Variants in DPYSL3 observed in about 807,000 individuals in gnomAD.
DPYSL3 encodes dihydropyrimidinase like 3, also known as dihydropyrimidinase-related protein 3.
A neutral mutation model predicts 66.1 loss-of-function variants in DPYSL3; 16 were observed. The ratio of observed to expected loss-of-function variants is 0.24; its 90% CI spans 0.16 to 0.37. DPYSL3 has a LOEUF of 0.37. Among genes scored for constraint, DPYSL3 ranks in the 10% least tolerant of loss-of-function variants. The probability of loss-of-function intolerance (pLI) is 1.00; values close to 1 mark genes in which losing one functional copy is unlikely to be tolerated. For synonymous variants in DPYSL3, 338 were observed against 345.1 expected (o/e 0.98, Z 0.23); for missense variants, 738 against 916.2 (o/e 0.81, Z 2.51).
chr5:147,433,902 T>C (rs1017357748), intron 1 of DPYSL3, among the ~76,000 whole-genome samples: 1 of 151,786 alleles, frequency 6.6e-6, no homozygotes, highest in Non-Finnish European at 1.5e-5. Flanking sequence ...CGTGGTGGCA[T>C]CCCTGTAATC....
At chr5:147,430,504 G>A (rs1340016314) in intron 1 of DPYSL3, among the ~76,000 whole-genome samples, 10 of 137,120 alleles carry the variant, frequency 7.3e-5, no homozygotes, top group Non-Finnish European at 1.2e-4. Context: ...AGTGAGACTC[G>A]GTCTCAAAAA....
chr5:147,396,986 G>A (rs1757998325), intron 12 of DPYSL3, among the ~76,000 whole-genome samples: 1 of 144,924 alleles, frequency 6.9e-6, no homozygotes. Flanking sequence ...TTATTGTATT[G>A]TTATAATACA....
chr5:147,418,967 T>G (rs1169403807), intron 2 of DPYSL3, among the ~76,000 whole-genome samples: 2 of 152,202 alleles, frequency 1.3e-5, no homozygotes, highest in Non-Finnish European at 2.9e-5. Flanking sequence ...CATTTTGTTC[T>G]TTAAGTTAAG....
At chr5:147,431,107 T>G (rs1335643568) in intron 1 of DPYSL3, among the ~76,000 whole-genome samples, 1 of 152,224 alleles carries the variant, frequency 6.6e-6, no homozygotes, top group Non-Finnish European at 1.5e-5. Flanking sequence ...TTTGATTTCC[T>G]AAAACACTTT....
rs1757795793 is a variant in DPYSL3, at chr5:147,391,427, G to A, written c.*2608C>T. 6.6e-6 allele frequency: 1 copy of A among 152,584 alleles called. No homozygotes were observed. The highest frequency in any genetic ancestry group is 1.5e-5 in the Non-Finnish European group (1 of 68,060). The allele number at this position is 152,584 out of a possible 1,614,324, so 9.5% of individuals were successfully genotyped here. A position where few individuals can be genotyped will look rare whatever the true frequency, so the allele number is the denominator to read the frequency against. On this transcript the variant is annotated 3_prime_UTR_variant, in exon 14 of 14. Transcript: ENST00000343218. ...GTGGCCCTCAGAGAGAACCGGGATGGATTGCCATCTGGGTTCAGAGGCAAT... is the reference window on the plus strand; with the variant it reads ...GTGGCCCTCAGAGAGAACCGGGATGAATTGCCATCTGGGTTCAGAGGCAAT...
intron 13 of DPYSL3, 39 bp from the exon 14 acceptor site, chr5:147,394,162 C>CA (rs1279855980): frequency 5.7e-6 from 9 of 1,572,060 alleles, no homozygotes; most frequent in Middle Eastern, 3.4e-4. Flanking sequence ...AAAAAAAAAA[C>CA]AGAGTGGCGG....
chr5:147,404,619 C>A (rs1332081081), intron 8 of DPYSL3, among the ~76,000 whole-genome samples: 1 of 152,196 alleles, frequency 6.6e-6, no homozygotes, highest in East Asian at 1.9e-4. Context: ...GTCCCTTACC[C>A]AGCCTCACAA....
At chr5:147,407,615 G>A (rs573828603) in intron 7 of DPYSL3, among the ~76,000 whole-genome samples, 13 of 152,168 alleles carry the variant, frequency 8.5e-5, no homozygotes, top group Admixed American at 2.0e-4. Context: ...CTTTACCTGC[G>A]CAACAATGCC....
chr5:147,465,647 C>A (rs376387622), intron 1 of DPYSL3, among the ~76,000 whole-genome samples: 41 of 152,118 alleles, frequency 2.7e-4, no homozygotes, highest in African/African-American at 9.9e-4. Flanking sequence ...TGCTCTCAAC[C>A]CTTTTCTGAA....
intron 1 of DPYSL3, among the ~76,000 whole-genome samples, chr5:147,459,342 AATGTATATACTAGGCCTATGTGAAAT>A (rs2126407961): frequency 6.6e-6 from 1 of 152,322 alleles, no homozygotes; most frequent in South Asian, 2.1e-4. Context: ...TGAAGGGGAA[AATGTATATACTAGGCCTATGTGAAAT>A]ATATAGGCTG....
chr5:147,425,037 CA>C, intron 1 of DPYSL3, 74 bp from the exon 2 acceptor site: 1 of 1,187,914 alleles, frequency 8.4e-7, no homozygotes, highest in Non-Finnish European at 1.2e-6. Context: ...AAGGTTTTCC[CA>C]ATTCATTGTT....
At chr5:147,449,737 A>G (rs1292871162) in intron 1 of DPYSL3, among the ~76,000 whole-genome samples, 1 of 152,220 alleles carries the variant, frequency 6.6e-6, no homozygotes, top group East Asian at 1.9e-4. Flanking sequence ...GGAGGTTCTA[A>G]TATGAAAATA....
chr5:147,432,274 G>A (rs911917495), intron 1 of DPYSL3, among the ~76,000 whole-genome samples: 9 of 152,128 alleles, frequency 5.9e-5, no homozygotes, highest in African/African-American at 1.2e-4. Context: ...AGCCCTAGAC[G>A]GACAGACACA....
chr5:147,440,246 T>C (rs956605527), intron 1 of DPYSL3, among the ~76,000 whole-genome samples: 15 of 152,166 alleles, frequency 9.9e-5, no homozygotes, highest in Non-Finnish European at 1.5e-5. Flanking sequence ...GAGCTTGCAG[T>C]GAGCCTAGAT....
chr5:147,394,232 GC>G (rs1236318400), intron 13 of DPYSL3, 109 bp from the exon 14 acceptor site: 8 of 1,053,716 alleles, frequency 7.6e-6, no homozygotes, highest in Non-Finnish European at 9.8e-6. Context: ...GATATGAAGT[GC>G]CTTGCTGGCC....
At position 147,411,699 on chromosome 5, in the gene DPYSL3, G is replaced by A. The variant is rs116365469; in HGVS notation, c.963+909C>T. 4.0e-3 allele frequency among the ~76,000 whole-genome samples: 605 copies of A among 152,230 alleles called. 2 individuals carry two copies. The highest frequency in any genetic ancestry group is 0.014 in the African/African-American group (576 of 41,534). On this transcript the variant is annotated intron_variant, in intron 6 of 13. Transcript: ENST00000343218. ...AACTAATGGTCCGAGATGAGGGGAG[G>A]CCTAGACATTGTTCCTACACCCCTG...
chr5:147,394,586 C>A (rs1757914138), intron 13 of DPYSL3, among the ~76,000 whole-genome samples: 1 of 151,086 alleles, frequency 6.6e-6, no homozygotes, highest in African/African-American at 2.4e-5. Flanking sequence ...GTCTTTGTGA[C>A]AACAGCACAA....
intron 1 of DPYSL3, chr5:147,453,655 C>T: frequency 6.0e-6 from 9 of 1,495,744 alleles, no homozygotes; most frequent in South Asian, 5.2e-5. Flanking sequence ...CCCGCGCCTT[C>T]CTCAGCGCAC....
At chr5:147,475,072 A>G (rs1035337851) in intron 1 of DPYSL3, among the ~76,000 whole-genome samples, 5 of 152,108 alleles carry the variant, frequency 3.3e-5, no homozygotes, top group African/African-American at 1.2e-4. Flanking sequence ...TGCAGTAACC[A>G]TACAACCTAC....
Sources: gnomAD v4.1 joint callset for allele counts (sites outside exome capture counted in the v4.1 genomes callset) on GRCh38, gnomAD v4.1.1 for gene constraint, MANE v1.5 for transcripts, NCBI Gene and HGNC (gene_info 2026-07-23, HGNC 2026-07-21) for gene names.